Variants in SVEP1 observed in about 807,000 individuals in gnomAD.
The protein encoded by SVEP1 is sushi, von Willebrand factor type A, EGF and pentraxin domain containing 1, also known as sushi, von Willebrand factor type A, EGF and pentraxin domain-containing protein 1.
In SVEP1, 164 loss-of-function variants were observed where a neutral mutation model predicts 367.3. That is an observed-to-expected ratio of 0.45 (90% CI 0.39 to 0.51). The LOEUF is 0.51. Ranked by LOEUF, SVEP1 falls within the 20% of genes least tolerant of loss-of-function variation. The pLI, the probability that SVEP1 is intolerant of heterozygous loss-of-function variation, is 0.00. For synonymous variants in SVEP1, 1,666 were observed against 1,611.6 expected (o/e 1.03, Z -0.81); for missense variants, 4,117 against 4,425.3 (o/e 0.93, Z 1.98).
intron 1 of SVEP1, among the ~76,000 whole-genome samples, chr9:110,575,432 C>T (rs1029463756): frequency 6.6e-6 from 1 of 152,102 alleles, no homozygotes; most frequent in Non-Finnish European, 1.5e-5. Flanking sequence ...ATGGAGTAGA[C>T]CATGGCATTA....
chr9:110,569,174 G>A (rs1231747205), intron 1 of SVEP1, among the ~76,000 whole-genome samples: 1 of 151,902 alleles, frequency 6.6e-6, no homozygotes, highest in African/African-American at 2.4e-5. Context: ...CATCCTATCT[G>A]CTAGTGCTAT....
Position 110,562,919 on chromosome 9 carries a change from T to C in SVEP1, c.532-12815A>G, listed in dbSNP as rs545900722. On this transcript the variant is annotated intron_variant, in intron 1 of 47. Coordinates refer to ENST00000374469, the MANE Select transcript of SVEP1 (RefSeq NM_153366.4). Reference sequence around the variant, plus strand: ...GTAGGCCACGCTGGTCTTGAACTCCTGACCTCAGGTGATCCAACTGCTTCA... The same window carrying C: ...GTAGGCCACGCTGGTCTTGAACTCCCGACCTCAGGTGATCCAACTGCTTCA... Among the ~76,000 whole-genome samples, 36 of 152,298 alleles carry C rather than the reference T, an allele frequency of 2.4e-4. 1 individual carries two copies. The highest frequency in any genetic ancestry group is 1.4e-3 in the South Asian group (7 of 4,828).
At chr9:110,571,747 T>C (rs535003736) in intron 1 of SVEP1, among the ~76,000 whole-genome samples, 1 of 152,342 alleles carries the variant, frequency 6.6e-6, no homozygotes, top group South Asian at 2.1e-4. Context: ...GATTGTTCCA[T>C]GTCAGGCCAT....
intron 43 of SVEP1, 60 bp downstream of exon 43, chr9:110,385,838 A>C (rs1827512588): frequency 1.3e-6 from 2 of 1,550,622 alleles, no homozygotes; most frequent in African/African-American, 1.4e-5. Flanking sequence ...AAACAACCTC[A>C]CAGGGATGGG....
At chr9:110,375,110 G>A (rs1827329996) in intron 46 of SVEP1, among the ~76,000 whole-genome samples, 1 of 152,034 alleles carries the variant, frequency 6.6e-6, no homozygotes, top group Non-Finnish European at 1.5e-5. Context: ...TCTGCAAAAT[G>A]AAGCAGATGA....
chr9:110,412,698 G>GA (rs11421391), intron 36 of SVEP1, among the ~76,000 whole-genome samples: 106,043 of 151,566 alleles, frequency 0.7, 38,348 homozygotes, highest in African/African-American at 0.9. Context: ...AAATTTACAA[G>GA]AAAAAACAAA....
rs1463046337 is a variant in SVEP1, at chr9:110,376,817, TTTC to T, written c.10504+451_10504+453del. 2.0e-5 allele frequency: 3 copies of T among 152,668 alleles called. No individual in the cohort carries two copies. The East Asian group carries it at 5.7e-4, about 29-fold the overall frequency. The allele number at this position is 152,668 out of a possible 1,614,324, so 9.5% of individuals were successfully genotyped here. A position where few individuals can be genotyped will look rare whatever the true frequency, so the allele number is the denominator to read the frequency against. ...AAGTATGGATATAGGAGTGCCAGCTTTTCTTATTTTCTTAATGAGTAGAAACTA... is the reference window on the plus strand; with the variant it reads ...AAGTATGGATATAGGAGTGCCAGCTTTTATTTTCTTAATGAGTAGAAACTA... On this transcript the variant is annotated intron_variant, in intron 45 of 47. Transcript: ENST00000374469.
At chr9:110,486,033 C>A (rs529939806) in intron 9 of SVEP1, among the ~76,000 whole-genome samples, 1 of 152,236 alleles carries the variant, frequency 6.6e-6, no homozygotes, top group Middle Eastern at 3.4e-3. Flanking sequence ...ACTCTGTAGA[C>A]CAGTGATGCA....
chr9:110,437,106 G>A (rs1040812200), intron 27 of SVEP1, among the ~76,000 whole-genome samples: 1 of 152,116 alleles, frequency 6.6e-6, no homozygotes, highest in African/African-American at 2.4e-5. Context: ...GTGTCCCAAA[G>A]GTTGTCCCCG....
intron 22 of SVEP1, among the ~76,000 whole-genome samples, chr9:110,451,665 T>A (rs894447766): frequency 2.6e-5 from 4 of 152,170 alleles, no homozygotes; most frequent in African/African-American, 4.8e-5. Flanking sequence ...GAAAAAGATG[T>A]GTGATTTTGT....
chr9:110,513,149 T>G (rs561517978), intron 4 of SVEP1, 44 bp from the exon 5 acceptor site: 42 of 1,547,236 alleles, frequency 2.7e-5, no homozygotes, highest in Non-Finnish European at 3.5e-5. Flanking sequence ...GTTAGCCTTT[T>G]GTCTATGACA....
chr9:110,483,428 A>G (rs1244714986), intron 10 of SVEP1, among the ~76,000 whole-genome samples, 158 bp downstream of exon 10: 1 of 152,254 alleles, frequency 6.6e-6, no homozygotes. Context: ...ATGTTAAATT[A>G]TAATTATTCT....
intron 3 of SVEP1, among the ~76,000 whole-genome samples, chr9:110,524,524 A>AATC (rs1451429060): frequency 1.3e-5 from 2 of 152,106 alleles, no homozygotes; most frequent in African/African-American, 2.4e-5. Context: ...CAATCAATGT[A>AATC]ATCATGTTAA....
At chr9:110,476,754 T>C (rs912538779) in intron 13 of SVEP1, among the ~76,000 whole-genome samples, 4 of 152,156 alleles carry the variant, frequency 2.6e-5, no homozygotes, top group African/African-American at 7.2e-5. Flanking sequence ...CCTAAAACCT[T>C]TCCAATTTTC....
At chr9:110,462,651 A>G (rs1488232373) in intron 18 of SVEP1, among the ~76,000 whole-genome samples, 7 of 151,636 alleles carry the variant, frequency 4.6e-5, no homozygotes, top group Non-Finnish European at 1.0e-4. Context: ...ATTCTTGGCC[A>G]AAGAAACTAG....
intron 5 of SVEP1, among the ~76,000 whole-genome samples, chr9:110,508,760 C>CAAAAAAAAAAAAAAAAAAAAAAAAAAA (rs11316319): frequency 1.3e-5 from 1 of 76,496 alleles, no homozygotes; most frequent in East Asian, 4.0e-4. Context: ...GACTCCATCT[C>CAAAAAAAAAAAAAAAAAAAAAAAAAAA]AAAAAAAAAA....
chr9:110,384,807 G>A (rs1382465409), intron 43 of SVEP1, among the ~76,000 whole-genome samples: 2 of 152,060 alleles, frequency 1.3e-5, no homozygotes, highest in Admixed American at 1.3e-4. Flanking sequence ...ATTAAGTGGC[G>A]TGCAAGTGTA....
At chr9:110,457,439 A>T in intron 20 of SVEP1, 87 bp from the exon 21 acceptor site, 1 of 1,036,216 alleles carries the variant, frequency 9.7e-7, no homozygotes, top group Non-Finnish European at 1.5e-6. Flanking sequence ...TTGCAACATT[A>T]GACAGCTCGT....
At chr9:110,503,803 C>T (rs1829578251) in intron 5 of SVEP1, among the ~76,000 whole-genome samples, 1 of 152,122 alleles carries the variant, frequency 6.6e-6, no homozygotes, top group African/African-American at 2.4e-5. Flanking sequence ...CCAATCATAG[C>T]TCATGATACG....
Sources: allele counts gnomAD v4.1 joint callset (sites outside exome capture counted in the v4.1 genomes callset), GRCh38; gene constraint gnomAD v4.1.1; transcripts MANE v1.5; gene names NCBI Gene and HGNC (gene_info 2026-07-23, HGNC 2026-07-21).